MPV17: variants seen among roughly 807,000 people sequenced by gnomAD.
MPV17 encodes mitochondrial inner membrane protein MPV17.
Under a neutral mutation model 28.6 loss-of-function variants are expected in MPV17, and 31 were observed. That is an observed-to-expected ratio of 1.08 (90% confidence interval 0.81 to 1.46). The LOEUF is 1.46. Ranked by LOEUF, MPV17 falls within the 40% of genes most tolerant of loss-of-function variation. MPV17 has a pLI of 0.00. For missense variants in MPV17, 198 were observed against 216.2 expected, an observed-to-expected ratio of 0.92 and a Z score of 0.53; for synonymous variants, 87 against 85.3, an observed-to-expected ratio of 1.02 and a Z score of -0.11.
chr2:27,318,326 C>T (rs558412730), intron 2 of MPV17, among the ~76,000 whole-genome samples: 3 of 144,634 alleles, frequency 2.1e-5, no homozygotes, highest in South Asian at 2.2e-4. Context: ...CTCAGCCTCC[C>T]AAAGCGCAGG....
chr2:27,313,370 G>C, intron 2 of MPV17: 1 of 684,580 alleles, frequency 1.5e-6, no homozygotes, highest in African/African-American at 1.8e-5. Context: ...GTAAAGGGAA[G>C]TCAGAGTCAG....
At chr2:27,320,342 A>AT (rs145680464) in intron 2 of MPV17, among the ~76,000 whole-genome samples, 10,852 of 145,138 alleles carry the variant, frequency 0.075, 514 homozygotes, top group South Asian at 0.15. Context: ...TTTTTTGTTG[A>AT]TTTTTTTTTT....
chr2:27,312,892 G>A (rs1444552280), intron 3 of MPV17, 102 bp downstream of exon 3: 31 of 1,534,524 alleles, frequency 2.0e-5, no homozygotes, highest in African/African-American at 1.1e-4. Context: ...AAAAGAGGGC[G>A]GCAGGTTGGC....
intron 2 of MPV17, among the ~76,000 whole-genome samples, chr2:27,320,983 T>A (rs563510932): frequency 6.6e-6 from 1 of 152,306 alleles, no homozygotes; most frequent in East Asian, 1.9e-4. Flanking sequence ...GACGTCAGCA[T>A]AGCCTCAGGA....
intron 7 of MPV17, 52 bp downstream of exon 7, chr2:27,311,847 A>G (rs567946440): frequency 1.2e-6 from 2 of 1,604,950 alleles, no homozygotes; most frequent in South Asian, 1.1e-5. Flanking sequence ...TTTGTCTCCA[A>G]CTGTTGGTAA....
Position 27,317,282 on chromosome 2 carries a change from G to C in MPV17, c.71-4173C>G. On this transcript the variant is annotated intron_variant, in intron 2 of 7. Coordinates refer to ENST00000380044, the MANE Select transcript of MPV17 (RefSeq NM_002437.5). This position sits in a 1 kb window ranked among gnomAD's most constrained non-coding sequence, Gnocchi z 4.0. ...TAGGATAGGGGCTCAGTCTGGCACA[G>C]AGCCCAGAGGGAGTGGAAGCCCAGC... The C allele has an allele frequency of 6.9e-7, 1 of 1,455,308 alleles. No individual in the cohort carries two copies. The highest frequency in any genetic ancestry group is 9.1e-7 in the Non-Finnish European group (1 of 1,095,368). The allele number at this position is 1,455,308 out of a possible 1,614,324, so 90.1% of individuals were successfully genotyped here. A position where few individuals can be genotyped will look rare whatever the true frequency, so the allele number is the denominator to read the frequency against.
chr2:27,316,844 GCCC>G, intron 2 of MPV17: 1 of 450,236 alleles, frequency 2.2e-6, no homozygotes, highest in East Asian at 3.8e-5. Context: ...TGGGCGTGGA[GCCC>G]AGCGAGCAGA....
At chr2:27,319,700 G>A (rs1010735220) in intron 2 of MPV17, among the ~76,000 whole-genome samples, 15 of 151,150 alleles carry the variant, frequency 9.9e-5, no homozygotes, top group East Asian at 5.9e-4. Flanking sequence ...TGAGGTGGGC[G>A]GATCACTTGA....
At chr2:27,319,535 A>AAAT (rs560509565) in intron 2 of MPV17, among the ~76,000 whole-genome samples, 7 of 145,964 alleles carry the variant, frequency 4.8e-5, no homozygotes, top group African/African-American at 7.5e-5. Context: ...ACCCCGTCTC[A>AAAT]AATAATAATA....
intron 2 of MPV17, among the ~76,000 whole-genome samples, chr2:27,321,187 T>G (rs1476958447): frequency 6.6e-6 from 1 of 152,250 alleles, no homozygotes; most frequent in African/African-American, 2.4e-5. Flanking sequence ...CTGGCAGTTA[T>G]GGGCCCTGAG....
intron 2 of MPV17, chr2:27,316,682 A>C: frequency 4.7e-6 from 1 of 211,424 alleles, no homozygotes; most frequent in Non-Finnish European, 9.4e-6. Flanking sequence ...TCCTGGATAT[A>C]TTTGGTTGGT....
chr2:27,311,670 G>T, intron 7 of MPV17: 1 of 1,550,854 alleles, frequency 6.4e-7, no homozygotes, highest in Non-Finnish European at 8.7e-7. Flanking sequence ...GTAGAAGCAG[G>T]ATCCTCCCTA....
At chr2:27,320,537 T>C (rs995081798) in intron 2 of MPV17, among the ~76,000 whole-genome samples, 2 of 152,076 alleles carry the variant, frequency 1.3e-5, no homozygotes, top group Non-Finnish European at 2.9e-5. Context: ...GGTTTCACCG[T>C]GTTAGCCAGG....
Position 27,320,486 on chromosome 2 carries a change from G to A in MPV17, c.70+1962C>T, listed in dbSNP as rs192509258. On this transcript the variant is annotated intron_variant, in intron 2 of 7. Transcript: ENST00000380044. ...CAAGTAGCTGGGATTACAGGCATGC[G>A]CCACCATACCCGGCTAATTTTGTAT... is the stretch of plus-strand genomic sequence containing the variant. Among the ~76,000 whole-genome samples, 1,462 of 151,776 alleles carry A rather than the reference G, an allele frequency of 9.6e-3. 12 individuals carry two copies. Among genetic ancestry groups the A allele is most frequent in the Middle Eastern group, 0.017 (5 of 294 alleles).
At chr2:27,321,797 A>T (rs1265533744) in intron 2 of MPV17, among the ~76,000 whole-genome samples, 1 of 152,194 alleles carries the variant, frequency 6.6e-6, no homozygotes, top group Non-Finnish European at 1.5e-5. Context: ...CCAATATACT[A>T]ACCTTGGAGA....
intron 2 of MPV17, 140 bp downstream of exon 2, chr2:27,322,308 G>C: frequency 1.2e-6 from 1 of 806,984 alleles, no homozygotes; most frequent in Non-Finnish European, 2.1e-6. Flanking sequence ...AAACAGACTG[G>C]GGACAGTGTA....
chr2:27,310,260 T>A (rs1423924489), intron 7 of MPV17, among the ~76,000 whole-genome samples: 1 of 152,154 alleles, frequency 6.6e-6, no homozygotes, highest in East Asian at 1.9e-4. Flanking sequence ...CACACCTGGC[T>A]AATTTTTGTA....
chr2:27,317,948 G>A lies in MPV17; in HGVS notation c.70+4500C>T, dbSNP rs1335047264. Among the ~76,000 whole-genome samples the A allele has an allele frequency of 6.6e-6, 1 of 152,218 alleles. No homozygotes were observed. Among genetic ancestry groups the A allele is most frequent in the Non-Finnish European group, 1.5e-5 (1 of 68,036 alleles). ...CTCCAGCCATTACTGCAGTTCTACT[G>A]GATAGATTCTTGCTTCAGGCCTGTG... On this transcript the variant is annotated intron_variant, in intron 2 of 7. Coordinates refer to ENST00000380044, the MANE Select transcript of MPV17 (RefSeq NM_002437.5). The surrounding 1 kb of genome is among the most constrained non-coding windows in gnomAD (Gnocchi z 4.0).
chr2:27,319,551 A>G (rs1388890815), intron 2 of MPV17, among the ~76,000 whole-genome samples: 2 of 148,298 alleles, frequency 1.3e-5, no homozygotes, highest in African/African-American at 5.0e-5. Context: ...TAATAATAAT[A>G]AAATAGTTTA....
Sources: gnomAD v4.1 joint callset for allele counts (sites outside exome capture counted in the v4.1 genomes callset) on GRCh38, gnomAD v4.1.1 for gene constraint, Gnocchi (gnomAD v3.1) non-coding constraint, MANE v1.5 for transcripts, NCBI Gene and HGNC (gene_info 2026-07-23, HGNC 2026-07-21) for gene names.